The following STAT4 variants were observed in gnomAD, a reference collection of about 807,000 sequenced individuals.
STAT4 encodes the protein signal transducer and activator of transcription 4.
In STAT4, 42 loss-of-function variants were observed where a neutral mutation model predicts 110.5. That is an observed-to-expected ratio of 0.38 (90% confidence interval 0.30 to 0.49). The LOEUF (loss-of-function observed/expected upper bound fraction) is 0.49. STAT4 is among the 20% of genes least tolerant of loss of function. STAT4 has a pLI of 0.95. For missense variants in STAT4, 632 were observed against 887.9 expected, an observed-to-expected ratio of 0.71 and a Z score of 3.66; for synonymous variants, 284 against 302.2, an observed-to-expected ratio of 0.94 and a Z score of 0.63.
chr2:191,127,829 C>T (rs147354651), intron 3 of STAT4, among the ~76,000 whole-genome samples: 4 of 152,310 alleles, frequency 2.6e-5, no homozygotes, highest in East Asian at 3.9e-4. Flanking sequence ...AAGGATGAAT[C>T]GTCATGGACT....
chr2:191,132,755 C>CTT (rs56028616), intron 3 of STAT4, among the ~76,000 whole-genome samples: 15 of 135,368 alleles, frequency 1.1e-4, no homozygotes, highest in South Asian at 4.6e-4. Context: ...TAATGGTTTT[C>CTT]TTTTTTTTTT....
chr2:191,136,534 T>G (rs1699184717), intron 3 of STAT4, among the ~76,000 whole-genome samples: 1 of 152,128 alleles, frequency 6.6e-6, no homozygotes, highest in African/African-American at 2.4e-5. Flanking sequence ...GGCAGATCAT[T>G]TGAGGTCAGG....
chr2:191,128,941 C>G (rs1214274236), intron 3 of STAT4, among the ~76,000 whole-genome samples: 1 of 152,068 alleles, frequency 6.6e-6, no homozygotes, highest in Admixed American at 6.5e-5. Flanking sequence ...ATTTAAAAAG[C>G]AAAACATAGG....
intron 3 of STAT4, among the ~76,000 whole-genome samples, chr2:191,130,369 C>T (rs1229539888): frequency 2.0e-5 from 3 of 151,618 alleles, no homozygotes; most frequent in Admixed American, 2.0e-4. Context: ...ACTACAGGCA[C>T]CTGCCACCAC....
intron 14 of STAT4, among the ~76,000 whole-genome samples, chr2:191,047,748 C>T (rs1236852783): frequency 6.6e-6 from 1 of 152,198 alleles, no homozygotes; most frequent in Non-Finnish European, 1.5e-5. Context: ...TCACTGCAAC[C>T]TCCACCTCCC....
intron 1 of STAT4, among the ~76,000 whole-genome samples, chr2:191,149,324 T>C (rs560445940): frequency 6.6e-6 from 1 of 152,098 alleles, no homozygotes; most frequent in South Asian, 2.1e-4. Flanking sequence ...ACCTTTTCCC[T>C]GAGCTCCTGG....
intron 3 of STAT4, among the ~76,000 whole-genome samples, chr2:191,139,595 A>T (rs907576396): frequency 1.3e-5 from 2 of 152,224 alleles, no homozygotes; most frequent in Non-Finnish European, 2.9e-5. Flanking sequence ...TGCTGAAAGA[A>T]AGCATATATA....
chr2:191,083,504 C>G lies in STAT4; in HGVS notation c.274-7179G>C, dbSNP rs1559059256. On this transcript the variant is annotated intron_variant, in intron 3 of 23. Coordinates refer to ENST00000392320, the MANE Select transcript of STAT4 (RefSeq NM_003151.4). This position sits in a 1 kb window ranked among gnomAD's most constrained non-coding sequence, Gnocchi z 4.6. Reference sequence around the variant, plus strand: ...TCTGCTGTACCAGCTCTTCTCCTAACCCCAATTTGAGAACTTTTTGACTTC... The same window carrying G: ...TCTGCTGTACCAGCTCTTCTCCTAAGCCCAATTTGAGAACTTTTTGACTTC... 6.6e-6 allele frequency among the ~76,000 whole-genome samples: 1 copy of G among 152,164 alleles called. No individual in the cohort carries two copies.
chr2:191,078,049 A>G (rs967226508), intron 3 of STAT4, among the ~76,000 whole-genome samples: 12 of 151,914 alleles, frequency 7.9e-5, no homozygotes, highest in Admixed American at 6.6e-5. Context: ...ACTCTCCAAG[A>G]AAAGCTATGT....
rs1219318651 is a variant in STAT4, at chr2:191,104,544, C to T, written c.274-28219G>A. Among the ~76,000 whole-genome samples the T allele has an allele frequency of 1.3e-5, 2 of 152,146 alleles. No individual in the cohort carries two copies. The highest frequency in any genetic ancestry group is 4.8e-5 in the African/African-American group (2 of 41,444). ...TTTGAAGATTTAATAGACCAGAAAA[C>T]TGCCATAGAAGTCTTTGAAGCTGAA... On this transcript the variant is annotated intron_variant, in intron 3 of 23. Transcript: ENST00000392320. This position sits in a 1 kb window ranked among gnomAD's most constrained non-coding sequence, Gnocchi z 4.3.
Position 191,053,451 on chromosome 2 carries a change from T to C in STAT4, c.1251+1039A>G, listed in dbSNP as rs895657528. On this transcript the variant is annotated intron_variant, in intron 14 of 23. Coordinates refer to ENST00000392320, the MANE Select transcript of STAT4 (RefSeq NM_003151.4). The surrounding 1 kb of genome is among the most constrained non-coding windows in gnomAD (Gnocchi z 4.5). ...TTTCTAGTTCCAAATATATAGGTCA[T>C]TGACTTATGCCTTAGTTTCGAGGTC... Among the ~76,000 whole-genome samples the C allele has an allele frequency of 6.6e-6, 1 of 152,224 alleles. No individual in the cohort carries two copies. The highest frequency in any genetic ancestry group is 1.5e-5 in the Non-Finnish European group (1 of 68,028).
chr2:191,137,815 G>T (rs1191226436), intron 3 of STAT4, among the ~76,000 whole-genome samples: 1 of 151,992 alleles, frequency 6.6e-6, no homozygotes, highest in Non-Finnish European at 1.5e-5. Flanking sequence ...CTACACCGAA[G>T]AATAGAACTG....
chr2:191,034,296 G>A (rs1369890493), intron 18 of STAT4, among the ~76,000 whole-genome samples: 3 of 151,930 alleles, frequency 2.0e-5, no homozygotes, highest in East Asian at 1.9e-4. Flanking sequence ...GGTGGTGGGT[G>A]CCTGTAGTCC....
At chr2:191,109,416 C>T (rs1234310252) in intron 3 of STAT4, among the ~76,000 whole-genome samples, 1 of 152,018 alleles carries the variant, frequency 6.6e-6, no homozygotes, top group Non-Finnish European at 1.5e-5. Flanking sequence ...CTACTGAACA[C>T]CTACTATATC....
intron 3 of STAT4, among the ~76,000 whole-genome samples, chr2:191,085,425 T>C (rs1697610128): frequency 6.6e-6 from 1 of 151,186 alleles, no homozygotes; most frequent in South Asian, 2.1e-4. Flanking sequence ...GGGTTAAATA[T>C]TTATATTTAT....
Position 191,035,831 on chromosome 2 carries a change from G to T in STAT4, c.1570+333C>A, listed in dbSNP as rs1028338457. 2.6e-5 allele frequency among the ~76,000 whole-genome samples: 4 copies of T among 152,212 alleles called. No individual in the cohort carries two copies. Among genetic ancestry groups the T allele is most frequent in the African/African-American group, 9.6e-5 (4 of 41,458 alleles). ...AGTGGAAATATACCCTGGAGACTGG[G>T]GTGGGGAATAGACAAGGAGGGGCTT... On this transcript the variant is annotated intron_variant, in intron 17 of 23. Transcript: ENST00000392320. This position sits in a 1 kb window ranked among gnomAD's most constrained non-coding sequence, Gnocchi z 4.7.
At chr2:191,103,249 CT>C (rs1333589018) in intron 3 of STAT4, among the ~76,000 whole-genome samples, 2 of 152,038 alleles carry the variant, frequency 1.3e-5, no homozygotes, top group African/African-American at 4.8e-5. Context: ...AGGCATGTGT[CT>C]TTAGGTAATG....
At chr2:191,052,182 C>T (rs1696544385) in intron 14 of STAT4, among the ~76,000 whole-genome samples, 1 of 152,132 alleles carries the variant, frequency 6.6e-6, no homozygotes, top group African/African-American at 2.4e-5. Flanking sequence ...CTTTCCTAAC[C>T]TTTGTGTGAT....
At chr2:191,034,851 T>A (rs1266509828) in intron 17 of STAT4, among the ~76,000 whole-genome samples, 1 of 152,132 alleles carries the variant, frequency 6.6e-6, no homozygotes, top group Non-Finnish European at 1.5e-5. Context: ...GTATCTAGGA[T>A]ATGTATGGGT....
Sources: gnomAD v4.1 joint callset for allele counts (sites outside exome capture counted in the v4.1 genomes callset) on GRCh38, gnomAD v4.1.1 for gene constraint, Gnocchi (gnomAD v3.1) non-coding constraint, MANE v1.5 for transcripts, NCBI Gene and HGNC (gene_info 2026-07-23, HGNC 2026-07-21) for gene names.